Variants in CACNA1I observed in about 807,000 individuals in gnomAD.
CACNA1I encodes the protein voltage-dependent T-type calcium channel subunit alpha-1I.
In CACNA1I, 74 loss-of-function variants were observed where a neutral mutation model predicts 201.6. The ratio of observed to expected loss-of-function variants is 0.37; its 90% confidence interval spans 0.30 to 0.45. The LOEUF is 0.45. Among genes scored for constraint, CACNA1I ranks in the 20% least tolerant of loss-of-function variants. CACNA1I has a pLI of 1.00. For missense variants in CACNA1I, 2,346 were observed against 3,138.1 expected, an observed-to-expected ratio of 0.75 and a Z score of 6.03; for synonymous variants, 1,431 against 1,345.2, an observed-to-expected ratio of 1.06 and a Z score of -1.40.
chr22:39,640,480 C>A (rs1934324925), intron 5 of CACNA1I, among the ~76,000 whole-genome samples: 1 of 152,146 alleles, frequency 6.6e-6, no homozygotes, highest in Non-Finnish European at 1.5e-5. Context: ...GGAGGATCTA[C>A]CTGTCATCTG....
chr22:39,586,353 A>G (rs1932752292), intron 1 of CACNA1I, among the ~76,000 whole-genome samples: 1 of 152,100 alleles, frequency 6.6e-6, no homozygotes. Context: ...TTAGCTGGAC[A>G]TGGTGGCACA....
At chr22:39,610,479 G>A (rs1032519630) in intron 3 of CACNA1I, among the ~76,000 whole-genome samples, 1 of 152,240 alleles carries the variant, frequency 6.6e-6, no homozygotes, top group African/African-American at 2.4e-5. Flanking sequence ...GTGGAGGCTC[G>A]TTTCCATGGA....
chr22:39,644,736 G>A (rs2146423878), intron 7 of CACNA1I, among the ~76,000 whole-genome samples: 1 of 151,938 alleles, frequency 6.6e-6, no homozygotes, highest in Non-Finnish European at 1.5e-5. Flanking sequence ...TGCCCAGGCT[G>A]GAGTGCTGTG....
intron 4 of CACNA1I, among the ~76,000 whole-genome samples, chr22:39,630,971 AG>A (rs1934047116): frequency 6.6e-6 from 1 of 151,966 alleles, no homozygotes; most frequent in Admixed American, 6.6e-5. Flanking sequence ...CAGGTGTGGC[AG>A]GGAGGATGGA....
Position 39,685,417 on chromosome 22 carries a change from C to T in CACNA1I, c.6028-344C>T, listed in dbSNP as rs1303705707. 2.6e-5 allele frequency among the ~76,000 whole-genome samples: 3 copies of T among 117,126 alleles called. No individual in the cohort carries two copies. The highest frequency in any genetic ancestry group is 2.3e-4 in the East Asian group (1 of 4,256). The allele number at this position is 117,126 out of a possible 152,430, so 76.8% of individuals were successfully genotyped here. ...GTGGGAGCAGCCAAGGCTGGGGCCGCGTCAGACCATGGGGGGTGCGGTGGG... is the reference window on the plus strand; with the variant it reads ...GTGGGAGCAGCCAAGGCTGGGGCCGTGTCAGACCATGGGGGGTGCGGTGGG... On this transcript the variant is annotated intron_variant, in intron 36 of 36. Coordinates refer to ENST00000402142, the MANE Select transcript of CACNA1I (RefSeq NM_021096.4). This position sits in a 1 kb window ranked among gnomAD's most constrained non-coding sequence, Gnocchi z 5.0.
chr22:39,651,484 G>C (rs926483710), intron 10 of CACNA1I, among the ~76,000 whole-genome samples: 1 of 152,204 alleles, frequency 6.6e-6, no homozygotes, highest in South Asian at 2.1e-4. Flanking sequence ...CTCTCTGCAG[G>C]GGGAGAGCTG....
rs546111950 is a variant in CACNA1I, at chr22:39,676,347, G to C, written c.4855-994G>C. Among the ~76,000 whole-genome samples, 6 of 149,136 alleles carry C rather than the reference G, an allele frequency of 4.0e-5. No individual in the cohort carries two copies. The highest frequency in any genetic ancestry group is 1.3e-4 in the Admixed American group (2 of 15,038). ...TAGTCAGACACTAGCAGTGTAGAAC[G>C]GCTGGCCAGGAAACCCTGCTCTGGA... On this transcript the variant is annotated intron_variant, in intron 29 of 36. Transcript: ENST00000402142. The surrounding 1 kb of genome is among the most constrained non-coding windows in gnomAD (Gnocchi z 4.8).
In CACNA1I at chr22:39,659,099, C is replaced by T; in HGVS notation, c.2313C>T (p.Leu771=). Residue 771 remains leucine, a synonymous_variant, in exon 12 of 37, where the codon CTC becomes CTT. Transcript: ENST00000402142. This position sits in a 1 kb window ranked among gnomAD's most constrained non-coding sequence, Gnocchi z 4.3. ...NVATFCMLLM[L]FIFIFSILGM... Reference sequence around the variant, plus strand: ...CCACCTTCTGCATGCTGCTCATGCTCTTCATCTTCATCTTCAGGTGAGCCT... The same window carrying T: ...CCACCTTCTGCATGCTGCTCATGCTTTTCATCTTCATCTTCAGGTGAGCCT... 2 of 1,612,896 alleles carry T rather than the reference C, an allele frequency of 1.2e-6. No individual in the cohort carries two copies. Among genetic ancestry groups the T allele is most frequent in the Non-Finnish European group, 8.5e-7 (1 of 1,179,672 alleles).
In CACNA1I at chr22:39,682,692, C is replaced by T. The variant is rs1935742480; in HGVS notation, c.5830+31C>T. 4 of 1,591,280 alleles carry T rather than the reference C, an allele frequency of 2.5e-6. No individual in the cohort carries two copies. The East Asian group carries it at 9.0e-5, about 36-fold the overall frequency. ...GGGTGGGAGCCCTGCCAGCTCCCCA[C>T]AGCCCTCATCTTGGGCATCTGCTTC... On this transcript the variant is annotated intron_variant, in intron 35 of 36. Coordinates refer to ENST00000402142, the MANE Select transcript of CACNA1I (RefSeq NM_021096.4).
Position 39,667,129 on chromosome 22 carries a change from C to T in CACNA1I, c.4104+1123C>T, listed in dbSNP as rs185803283. On this transcript the variant is annotated intron_variant, in intron 23 of 36. Transcript: ENST00000402142. ...CTTACCAGCCGTGTGCCCTCAGACA[C>T]GTGCCAGACCCTCTGTTCCAGTGTC... 2.6e-5 allele frequency among the ~76,000 whole-genome samples: 4 copies of T among 152,236 alleles called. 1 individual carries two copies. The highest frequency in any genetic ancestry group is 4.1e-4 in the South Asian group (2 of 4,836).
In CACNA1I at chr22:39,688,603, G is replaced by A. The variant is rs1023340939; in HGVS notation, c.*2198G>A. 6.6e-6 allele frequency: 1 copy of A among 152,252 alleles called. No homozygotes were observed. Among genetic ancestry groups the A allele is most frequent in the Non-Finnish European group, 1.5e-5 (1 of 68,070 alleles). The allele number at this position is 152,252 out of a possible 1,614,324, so 9.4% of individuals were successfully genotyped here. On this transcript the variant is annotated 3_prime_UTR_variant, in exon 37 of 37. Coordinates refer to ENST00000402142, the MANE Select transcript of CACNA1I (RefSeq NM_021096.4). The surrounding 1 kb of genome is among the most constrained non-coding windows in gnomAD (Gnocchi z 4.8). ...TGGAAGGTTGGGCTTCAAGTTAACA[G>A]GATCAGACACCAGTCAAGCAGCCTC... is the stretch of plus-strand genomic sequence containing the variant.
At chr22:39,639,589 A>C (rs757089148) in intron 5 of CACNA1I, among the ~76,000 whole-genome samples, 3 of 152,240 alleles carry the variant, frequency 2.0e-5, no homozygotes, top group Non-Finnish European at 2.9e-5. Flanking sequence ...ATAACAATTA[A>C]AAATGAGATG....
chr22:39,651,298 C>T (rs562698177), intron 10 of CACNA1I, among the ~76,000 whole-genome samples: 3 of 152,328 alleles, frequency 2.0e-5, no homozygotes, highest in South Asian at 2.1e-4. Context: ...CCCTGCATGC[C>T]GCACCCCATG....
chr22:39,647,467 A>T (rs1416492370), intron 8 of CACNA1I, among the ~76,000 whole-genome samples: 4 of 152,208 alleles, frequency 2.6e-5, no homozygotes, highest in African/African-American at 9.6e-5. Context: ...CAGGGAGTAC[A>T]GTGACACAAA....
chr22:39,601,700 G>C (rs572790310), intron 3 of CACNA1I, among the ~76,000 whole-genome samples: 5 of 151,906 alleles, frequency 3.3e-5, no homozygotes, highest in Admixed American at 3.3e-4. Flanking sequence ...GACAGTCAGG[G>C]TGTGAGAATC....
At chr22:39,658,048 C>A in intron 10 of CACNA1I, 104 bp from the exon 11 acceptor site, 1 of 1,226,990 alleles carries the variant, frequency 8.2e-7, no homozygotes, top group Non-Finnish European at 1.2e-6. Context: ...ATGGTGAGGA[C>A]ACCGACCTGC....
chr22:39,619,164 G>A lies in CACNA1I; in HGVS notation c.483-146G>A, dbSNP rs548811183. 1,185 of 658,476 alleles carry A rather than the reference G, an allele frequency of 1.8e-3. 1 individual carries two copies. Among genetic ancestry groups the A allele is most frequent in the Non-Finnish European group, 2.6e-3 (941 of 368,444 alleles). The allele number at this position is 658,476 out of a possible 1,614,324, so 40.8% of individuals were successfully genotyped here. A position where few individuals can be genotyped will look rare whatever the true frequency, so the allele number is the denominator to read the frequency against. On this transcript the variant is annotated intron_variant, in intron 3 of 36. Coordinates refer to ENST00000402142, the MANE Select transcript of CACNA1I (RefSeq NM_021096.4). ...GGCCACCAACCCCAGGCCACATGTT[G>A]GCCAGGTGTAGCTGGAGATCCGACT...
intron 23 of CACNA1I, 122 bp from the exon 24 acceptor site, chr22:39,668,170 G>GAGA (rs1488374255): frequency 1.8e-5 from 12 of 653,672 alleles, no homozygotes; most frequent in Non-Finnish European, 3.4e-5. Context: ...CTGCCACACA[G>GAGA]AGAAGACCTC....
At position 39,665,378 on chromosome 22, in the gene CACNA1I, C is replaced by A; in HGVS notation, c.3852-120C>A. The A allele has an allele frequency of 8.2e-7, 1 of 1,216,806 alleles. No individual in the cohort carries two copies. The highest frequency in any genetic ancestry group is 1.1e-6 in the Non-Finnish European group (1 of 874,322). 75.4% of individuals were successfully genotyped at this position (1,216,806 alleles called of 1,614,324 possible). On this transcript the variant is annotated intron_variant, in intron 21 of 36. Transcript: ENST00000402142. This position sits in a 1 kb window ranked among gnomAD's most constrained non-coding sequence, Gnocchi z 5.5. ...TCCTCATGCCCCAGGGTGTTCAGCC[C>A]TGGTGAGCCCTGGGGACTCATGCCC... is the stretch of plus-strand genomic sequence containing the variant.
Sources: allele counts gnomAD v4.1 joint callset (sites outside exome capture counted in the v4.1 genomes callset), GRCh38; gene constraint gnomAD v4.1.1; non-coding constraint Gnocchi (gnomAD v3.1); transcripts MANE v1.5; gene names NCBI Gene and HGNC (gene_info 2026-07-23, HGNC 2026-07-21).